Variants in NAPEPLD observed in about 807,000 individuals in gnomAD.
The protein encoded by NAPEPLD is N-acyl-phosphatidylethanolamine-hydrolyzing phospholipase D.
NAPEPLD carries 23 observed loss-of-function variants against 38.1 expected under a neutral mutation model. The observed-to-expected ratio is 0.60, with a 90% CI of 0.43 to 0.86. The LOEUF is 0.86. Among genes scored for constraint, NAPEPLD ranks in the 40% least tolerant of loss-of-function variants. The pLI, the probability that NAPEPLD is intolerant of heterozygous loss-of-function variation, is 0.00. For missense variants in NAPEPLD, 411 were observed against 476.8 expected, an observed-to-expected ratio of 0.86 and a Z score of 1.28; for synonymous variants, 147 against 162.0, an observed-to-expected ratio of 0.91 and a Z score of 0.71.
intron 1 of NAPEPLD, among the ~76,000 whole-genome samples, chr7:103,140,999 C>T (rs752983446): frequency 1.3e-5 from 2 of 152,074 alleles, no homozygotes; most frequent in African/African-American, 4.8e-5. Flanking sequence ...ACATAAATCA[C>T]GAGTAAATAA....
chr7:103,103,555 C>A lies in NAPEPLD; in HGVS notation c.1057-1G>T. 1 of 1,570,694 alleles carries A rather than the reference C, an allele frequency of 6.4e-7. No individual in the cohort carries two copies. The highest frequency in any genetic ancestry group is 2.1e-5 in the Admixed American group (1 of 46,704). The stretch of plus-strand genomic sequence containing the variant: ...GCTTCACTGGAGGCTCTAAGTAATG[C>A]TGGCCAAAGAGAAAGAAGAAAAATA... On this transcript the variant is annotated splice_acceptor_variant, in intron 4 of 4. Coordinates refer to ENST00000465647, the MANE Select transcript of NAPEPLD (RefSeq NM_001122838.3). LOFTEE classifies it high-confidence loss of function.
chr7:103,116,228 A>AT (rs1490870127), intron 3 of NAPEPLD, among the ~76,000 whole-genome samples: 1 of 151,664 alleles, frequency 6.6e-6, no homozygotes, highest in Non-Finnish European at 1.5e-5. Flanking sequence ...CTCCCGGCTA[A>AT]TTTTTTGTAT....
At chr7:103,133,425 G>A (rs1455169197) in intron 1 of NAPEPLD, among the ~76,000 whole-genome samples, 1 of 152,188 alleles carries the variant, frequency 6.6e-6, no homozygotes, top group Non-Finnish European at 1.5e-5. Context: ...ACTCTGGACT[G>A]GTTTTTCTGG....
At position 103,103,291 on chromosome 7, in the gene NAPEPLD, C is replaced by T; in HGVS notation, c.*138G>A. 9.1e-7 allele frequency: 1 copy of T among 1,102,008 alleles called. No individual in the cohort carries two copies. The highest frequency in any genetic ancestry group is 1.3e-6 in the Non-Finnish European group (1 of 783,522). The allele number at this position is 1,102,008 out of a possible 1,614,324, so 68.3% of individuals were successfully genotyped here. ...TCATACTAGGAAGCAAGTTATTACACAAAACATAAAACATAAACTTGCAGA... is the reference window on the plus strand; with the variant it reads ...TCATACTAGGAAGCAAGTTATTACATAAAACATAAAACATAAACTTGCAGA... On this transcript the variant is annotated 3_prime_UTR_variant, in exon 5 of 5. Coordinates refer to ENST00000465647, the MANE Select transcript of NAPEPLD (RefSeq NM_001122838.3).
intron 2 of NAPEPLD, among the ~76,000 whole-genome samples, chr7:103,124,687 A>G (rs751508345): frequency 3.3e-5 from 5 of 152,194 alleles, no homozygotes; most frequent in African/African-American, 1.2e-4. Flanking sequence ...AAAGGGAAAA[A>G]TCCTAACGTT....
rs150153465 is a variant in NAPEPLD at position 103,129,236 on chromosome 7, A to T, written c.-16-444T>A. ...GCTGAGATCACGCCATTGCACAAAC[A>T]AACAAACAAACAAAACAAACATGAA... On this transcript the variant is annotated intron_variant, in intron 1 of 4. Transcript: ENST00000465647. 69 of 899,108 alleles carry T rather than the reference A, an allele frequency of 7.7e-5. No individual in the cohort carries two copies. In the East Asian group the frequency reaches 7.3e-3, roughly 95 times the overall value. The allele number at this position is 899,108 out of a possible 1,614,324, so 55.7% of individuals were successfully genotyped here.
At chr7:103,149,535 C>G (rs1160827716), upstream of NAPEPLD, 4 of 1,243,716 alleles carry the variant, frequency 3.2e-6, no homozygotes, top group Admixed American at 2.5e-5. Flanking sequence ...TCGAATCTGA[C>G]AGCAGGGCCA....
rs548451553 is a variant in NAPEPLD, at chr7:103,120,453, G to C, written c.295-230C>G. The stretch of plus-strand genomic sequence containing the variant: ...AATCTTCTTCCTCCCAAATGCAAAA[G>C]AGAAAATTAAATTTAAAACTTTGAG... On this transcript the variant is annotated intron_variant, in intron 2 of 4. Transcript: ENST00000465647. Among the ~76,000 whole-genome samples, 3 of 152,122 alleles carry C rather than the reference G, an allele frequency of 2.0e-5. No individual in the cohort carries two copies. In the East Asian group the frequency reaches 5.8e-4, roughly 29 times the overall value.
At chr7:103,110,141 CA>C (rs1332939800) in intron 4 of NAPEPLD, among the ~76,000 whole-genome samples, 1 of 152,146 alleles carries the variant, frequency 6.6e-6, no homozygotes, top group East Asian at 1.9e-4. Context: ...ACCAGAGGTA[CA>C]AAGAGGAGCT....
chr7:103,139,114 G>T (rs1318570714), intron 1 of NAPEPLD, among the ~76,000 whole-genome samples: 2 of 152,192 alleles, frequency 1.3e-5, no homozygotes, highest in African/African-American at 4.8e-5. Context: ...AGGCTAGGAG[G>T]TTATTAAGAG....
rs1288580907 is a variant in NAPEPLD at position 103,128,778 on chromosome 7, T to C, written c.-2A>G. Reference sequence around the variant, plus strand: ...CTGGTTGCTTTCATTTTCATCCATGTCCTTTGGTGAAGAACTAAAAAAAAC... The same window carrying C: ...CTGGTTGCTTTCATTTTCATCCATGCCCTTTGGTGAAGAACTAAAAAAAAC... On this transcript the variant is annotated 5_prime_UTR_variant, in exon 2 of 5. Coordinates refer to ENST00000465647, the MANE Select transcript of NAPEPLD (RefSeq NM_001122838.3). 11 of 1,606,346 alleles carry C rather than the reference T, an allele frequency of 6.8e-6. No homozygotes were observed. Among genetic ancestry groups the C allele is most frequent in the African/African-American group, 1.3e-5 (1 of 74,178 alleles).
At chr7:103,133,691 T>C (rs1183562276) in intron 1 of NAPEPLD, among the ~76,000 whole-genome samples, 1 of 152,222 alleles carries the variant, frequency 6.6e-6, no homozygotes, top group African/African-American at 2.4e-5. Flanking sequence ...TTAACATATC[T>C]AGCTAGAGTT....
At chr7:103,134,078 A>G (rs1326809438) in intron 1 of NAPEPLD, among the ~76,000 whole-genome samples, 2 of 152,252 alleles carry the variant, frequency 1.3e-5, no homozygotes, top group African/African-American at 2.4e-5. Flanking sequence ...ACATATAGTG[A>G]TATCAGTGGT....
At chr7:103,141,851 T>C (rs901721658) in intron 1 of NAPEPLD, 2 of 984,010 alleles carry the variant, frequency 2.0e-6, no homozygotes, top group African/African-American at 1.6e-5. Context: ...GGTGATTTCA[T>C]TGGTCTCATT....
Position 103,100,969 on chromosome 7 carries a change from A to C in NAPEPLD, c.*2460T>G, listed in dbSNP as rs142491392. The C allele has an allele frequency of 6.6e-6, 1 of 152,372 alleles. No individual in the cohort carries two copies. Among genetic ancestry groups the C allele is most frequent in the Non-Finnish European group, 1.5e-5 (1 of 68,034 alleles). 9.4% of individuals were successfully genotyped at this position (152,372 alleles called of 1,614,324 possible). A position where few individuals can be genotyped will look rare whatever the true frequency, so the allele number is the denominator to read the frequency against. On this transcript the variant is annotated 3_prime_UTR_variant, in exon 5 of 5. Coordinates refer to ENST00000465647, the MANE Select transcript of NAPEPLD (RefSeq NM_001122838.3). ...CAGGCCAGACGAGTGGAAATAGAAC[A>C]CAACAGTTTAAAGTGCTTTGAGACC...
chr7:103,120,365 T>A (rs1806409303), intron 2 of NAPEPLD, 142 bp from the exon 3 acceptor site: 1 of 854,706 alleles, frequency 1.2e-6, no homozygotes, highest in Non-Finnish European at 1.7e-6. Flanking sequence ...GCTACACTTT[T>A]GCTTTTTTCT....
At chr7:103,114,980 C>A in intron 4 of NAPEPLD, 80 bp downstream of exon 4, 1 of 1,059,760 alleles carries the variant, frequency 9.4e-7, no homozygotes, top group South Asian at 1.4e-5. Flanking sequence ...AGTCTTGGGT[C>A]TGAAAACTAA....
At chr7:103,104,406 C>T (rs926169961) in intron 4 of NAPEPLD, among the ~76,000 whole-genome samples, 4 of 152,104 alleles carry the variant, frequency 2.6e-5, no homozygotes, top group African/African-American at 4.8e-5. Context: ...TTCTACGGCA[C>T]GCACTGTTCA....
chr7:103,120,305 T>C (rs1449957902), intron 2 of NAPEPLD, 82 bp from the exon 3 acceptor site: 17 of 1,448,414 alleles, frequency 1.2e-5, no homozygotes, highest in Non-Finnish European at 1.6e-5. Flanking sequence ...TTGACCTAAA[T>C]AATGGCAAGA....
Sources: allele counts gnomAD v4.1 joint callset (sites outside exome capture counted in the v4.1 genomes callset), GRCh38; gene constraint gnomAD v4.1.1; transcripts MANE v1.5; gene names NCBI Gene and HGNC (gene_info 2026-07-23, HGNC 2026-07-21).